METTL24: variants seen among roughly 807,000 people sequenced by gnomAD.
The protein encoded by METTL24 is methyltransferase like 24, also known as probable methyltransferase-like protein 24.
Under a neutral mutation model 32.7 loss-of-function variants are expected in METTL24, and 29 were observed. The observed-to-expected ratio is 0.89, with a 90% CI of 0.66 to 1.21. The LOEUF (loss-of-function observed/expected upper bound fraction) is 1.21. METTL24 is among the 50% of genes most tolerant of loss of function. The pLI is 0.00. For synonymous variants in METTL24, 163 were observed against 179.5 expected (o/e 0.91, Z 0.73); for missense variants, 439 against 468.1 (o/e 0.94, Z 0.57).
At chr6:110,251,139 A>C (rs1305800711) in intron 4 of METTL24, among the ~76,000 whole-genome samples, 1 of 152,202 alleles carries the variant, frequency 6.6e-6, no homozygotes, top group Non-Finnish European at 1.5e-5. Flanking sequence ...GGGGAGGTGA[A>C]ATAGACTCCA....
At chr6:110,339,822 G>A (rs1374130006) in intron 1 of METTL24, among the ~76,000 whole-genome samples, 3 of 152,144 alleles carry the variant, frequency 2.0e-5, no homozygotes, top group Admixed American at 6.5e-5. Flanking sequence ...TCAATTAAAC[G>A]ATTGTAGAGA....
chr6:110,344,609 T>C (rs1772431759), intron 1 of METTL24, among the ~76,000 whole-genome samples: 1 of 152,196 alleles, frequency 6.6e-6, no homozygotes, highest in Non-Finnish European at 1.5e-5. Flanking sequence ...ATGAAGTTTA[T>C]TGATAGCAAA....
intron 1 of METTL24, among the ~76,000 whole-genome samples, chr6:110,344,156 C>A (rs56376557): frequency 0.088 from 13,331 of 152,172 alleles, 625 homozygotes; most frequent in Non-Finnish European, 0.1. Context: ...AAGATTTACC[C>A]CTTCAATGTT....
chr6:110,279,231 T>C (rs1934712517), intron 4 of METTL24, among the ~76,000 whole-genome samples: 1 of 152,216 alleles, frequency 6.6e-6, no homozygotes, highest in Non-Finnish European at 1.5e-5. Flanking sequence ...ACAAAATTGC[T>C]ATCTCAAAAA....
At chr6:110,307,449 G>A (rs1771645712) in intron 3 of METTL24, among the ~76,000 whole-genome samples, 1 of 152,136 alleles carries the variant, frequency 6.6e-6, no homozygotes, top group African/African-American at 2.4e-5. Context: ...ATTTAATGAG[G>A]CAAGAAGTAT....
At chr6:110,296,202 G>C (rs561727782) in intron 4 of METTL24, among the ~76,000 whole-genome samples, 1 of 152,248 alleles carries the variant, frequency 6.6e-6, no homozygotes, top group East Asian at 1.9e-4. Flanking sequence ...TAACTAGCTC[G>C]GATCATTGAG....
intron 4 of METTL24, among the ~76,000 whole-genome samples, chr6:110,263,980 T>C (rs1386794434): frequency 6.6e-6 from 1 of 152,192 alleles, no homozygotes; most frequent in Non-Finnish European, 1.5e-5. Flanking sequence ...TCAAGGTGGA[T>C]TAAAGACTTA....
intron 4 of METTL24, among the ~76,000 whole-genome samples, chr6:110,253,565 T>C (rs17071347): frequency 0.022 from 3,290 of 152,230 alleles, 121 homozygotes; most frequent in African/African-American, 0.075. Flanking sequence ...CCAAAAAATA[T>C]TTTCTTATAA....
At chr6:110,274,634 C>T (rs763551684) in intron 4 of METTL24, among the ~76,000 whole-genome samples, 8 of 151,968 alleles carry the variant, frequency 5.3e-5, no homozygotes, top group Non-Finnish European at 1.0e-4. Flanking sequence ...AAAAATCACC[C>T]ACTCCCCAAA....
At chr6:110,278,880 G>C (rs957326233) in intron 4 of METTL24, among the ~76,000 whole-genome samples, 1 of 152,172 alleles carries the variant, frequency 6.6e-6, no homozygotes, top group Non-Finnish European at 1.5e-5. Flanking sequence ...AAATGAGCCA[G>C]TCATGGTGGC....
chr6:110,335,413 T>C (rs1772198412), intron 1 of METTL24, among the ~76,000 whole-genome samples: 1 of 152,158 alleles, frequency 6.6e-6, no homozygotes, highest in Admixed American at 6.5e-5. Context: ...TTCTTAATTG[T>C]ATGAGAAATG....
At chr6:110,267,516 A>G (rs1262976784) in intron 4 of METTL24, among the ~76,000 whole-genome samples, 3 of 152,238 alleles carry the variant, frequency 2.0e-5, no homozygotes, top group South Asian at 2.1e-4. Context: ...ATAATCGTTC[A>G]TCAGCTCTCA....
chr6:110,261,686 C>T (rs1770733872), intron 4 of METTL24, among the ~76,000 whole-genome samples: 2 of 152,192 alleles, frequency 1.3e-5, no homozygotes, highest in African/African-American at 4.8e-5. Context: ...CCACACCACA[C>T]TTATTCCAAA....
At chr6:110,355,324 G>C (rs1033573) in intron 1 of METTL24, among the ~76,000 whole-genome samples, 146,842 of 152,258 alleles carry the variant, frequency 0.96, 70,835 homozygotes, top group East Asian at 1. Flanking sequence ...GTAGAGGAGT[G>C]AGCATAAGCC....
At chr6:110,320,260 A>T (rs1234720060) in intron 2 of METTL24, among the ~76,000 whole-genome samples, 1 of 152,158 alleles carries the variant, frequency 6.6e-6, no homozygotes. Context: ...CTTGCCCATT[A>T]TGACTCACTT....
In METTL24 at chr6:110,285,874, T is replaced by A. The variant is rs187498110; in HGVS notation, c.786+13048A>T. Among the ~76,000 whole-genome samples the A allele has an allele frequency of 1.7e-3, 255 of 152,348 alleles. 2 individuals are homozygous for A. Among genetic ancestry groups the A allele is most frequent in the African/African-American group, 5.0e-3 (210 of 41,588 alleles). On this transcript the variant is annotated intron_variant, in intron 4 of 4. Coordinates refer to ENST00000338882, the MANE Select transcript of METTL24 (RefSeq NM_001123364.3). ...CTCAGACAAGTACACCCACTTCTTG[T>A]ACACAGCAACAAAGAAAAATGCCAG... is the stretch of plus-strand genomic sequence containing the variant.
At chr6:110,329,992 T>A (rs894370610) in intron 1 of METTL24, among the ~76,000 whole-genome samples, 1 of 152,314 alleles carries the variant, frequency 6.6e-6, no homozygotes, top group African/African-American at 2.4e-5. Flanking sequence ...AGAAGCCAGG[T>A]CACCATTGCT....
chr6:110,261,344 C>T (rs1435940202), intron 4 of METTL24, among the ~76,000 whole-genome samples: 2 of 152,026 alleles, frequency 1.3e-5, no homozygotes, highest in Admixed American at 6.5e-5. Flanking sequence ...AGACTTGAAA[C>T]CAACAAAGAT....
At chr6:110,314,531 T>C (rs912348789) in intron 3 of METTL24, among the ~76,000 whole-genome samples, 3 of 152,326 alleles carry the variant, frequency 2.0e-5, no homozygotes, top group Non-Finnish European at 4.4e-5. Context: ...TTTGACAAAA[T>C]GACATAGTTT....
Sources: allele counts gnomAD v4.1 joint callset (sites outside exome capture counted in the v4.1 genomes callset), GRCh38; gene constraint gnomAD v4.1.1; transcripts MANE v1.5; gene names NCBI Gene and HGNC (gene_info 2026-07-23, HGNC 2026-07-21).